Variants in ZNF562 observed in about 807,000 individuals in gnomAD.
ZNF562 encodes zinc finger protein 562.
In ZNF562, 13 loss-of-function variants were observed where a neutral mutation model predicts 17.5. That is an observed-to-expected ratio of 0.74 (90% confidence interval 0.48 to 1.18). ZNF562 has a LOEUF of 1.18. Ranked by LOEUF, ZNF562 falls within the 50% of genes most tolerant of loss-of-function variation. ZNF562 has a pLI of 0.00. For missense variants in ZNF562, 481 were observed against 498.5 expected, an observed-to-expected ratio of 0.96 and a Z score of 0.33; for synonymous variants, 163 against 165.4, an observed-to-expected ratio of 0.99 and a Z score of 0.11.
chr19:9,656,664 A>C lies in ZNF562; in HGVS notation c.242-11T>G. On this transcript the variant is annotated splice_polypyrimidine_tract_variant and intron_variant, in intron 4 of 5. Coordinates refer to ENST00000453372, the MANE Select transcript of ZNF562 (RefSeq NM_001130031.2). ...AGCAGAAAAAGAAATCTAAGGGTTTAGAGAAGAAATGTGTTAGTTTAAAAT... is the reference window on the plus strand; with the variant it reads ...AGCAGAAAAAGAAATCTAAGGGTTTCGAGAAGAAATGTGTTAGTTTAAAAT... 6.2e-7 allele frequency: 1 copy of C among 1,610,898 alleles called. No homozygotes were observed. Among genetic ancestry groups the C allele is most frequent in the Non-Finnish European group, 8.5e-7 (1 of 1,177,480 alleles).
intron 1 of ZNF562, among the ~76,000 whole-genome samples, chr19:9,664,849 A>C (rs1293860945): frequency 6.6e-6 from 1 of 152,012 alleles, no homozygotes; most frequent in Non-Finnish European, 1.5e-5. Flanking sequence ...TGTCTCAAAA[A>C]GAAAAGAAAA....
intron 1 of ZNF562, among the ~76,000 whole-genome samples, chr19:9,671,420 G>A (rs2044193874): frequency 6.6e-6 from 1 of 152,052 alleles, no homozygotes; most frequent in South Asian, 2.1e-4. Flanking sequence ...AAGGAGCAAT[G>A]AGCCATGATT....
chr19:9,668,156 G>C (rs1466459069), intron 1 of ZNF562, among the ~76,000 whole-genome samples: 1 of 152,104 alleles, frequency 6.6e-6, no homozygotes. Context: ...TGGAAGGATT[G>C]CTTAAGCCCA....
At chr19:9,673,583 C>A (rs545617905) in intron 1 of ZNF562, among the ~76,000 whole-genome samples, 1 of 152,160 alleles carries the variant, frequency 6.6e-6, no homozygotes, top group African/African-American at 2.4e-5. Flanking sequence ...CAGGTGTGAG[C>A]CAGTGCATCT....
intron 5 of ZNF562, among the ~76,000 whole-genome samples, chr19:9,654,332 G>C (rs2043378952): frequency 6.6e-6 from 1 of 152,044 alleles, no homozygotes. Context: ...TCCATTGCCT[G>C]GTCTATAGTG....
chr19:9,668,369 A>AC (rs1159214872), intron 1 of ZNF562, among the ~76,000 whole-genome samples: 1 of 152,036 alleles, frequency 6.6e-6, no homozygotes, highest in Non-Finnish European at 1.5e-5. Context: ...ACAAAGTGAG[A>AC]CCCCACCTCT....
chr19:9,669,399 A>T (rs1455173789), intron 1 of ZNF562, among the ~76,000 whole-genome samples: 1 of 152,218 alleles, frequency 6.6e-6, no homozygotes, highest in Non-Finnish European at 1.5e-5. Flanking sequence ...ACATAACCAC[A>T]ATGAGATATC....
In ZNF562 at chr19:9,644,694, A is replaced by G. The variant is rs1317156168; in HGVS notation, c.*8255T>C. On this transcript the variant is annotated 3_prime_UTR_variant, in exon 6 of 6. Transcript: ENST00000453372. ...CCTCATGAGATTTACTCACTGTGAC[A>G]AAAACAGCACACGCCTATTATCCCA... 6.6e-6 allele frequency: 1 copy of G among 152,238 alleles called. No individual in the cohort carries two copies. Among genetic ancestry groups the G allele is most frequent in the Non-Finnish European group, 1.5e-5 (1 of 68,060 alleles). 9.4% of individuals were successfully genotyped at this position (152,238 alleles called of 1,614,324 possible).
At position 9,648,762 on chromosome 19, in the gene ZNF562, C is replaced by T. The variant is rs1400912359; in HGVS notation, c.*4187G>A. On this transcript the variant is annotated 3_prime_UTR_variant, in exon 6 of 6. Coordinates refer to ENST00000453372, the MANE Select transcript of ZNF562 (RefSeq NM_001130031.2). ...AGGCCACCCTCCCAAGTAGCTAAAA[C>T]TATAGGCATGCATCACCACATCATT... 1.3e-5 allele frequency: 2 copies of T among 151,432 alleles called. No individual in the cohort carries two copies. The highest frequency in any genetic ancestry group is 2.9e-5 in the Non-Finnish European group (2 of 67,942). The allele number at this position is 151,432 out of a possible 1,614,324, so 9.4% of individuals were successfully genotyped here.
In ZNF562 at chr19:9,645,877, T is replaced by C. The variant is rs2074802773; in HGVS notation, c.*7072A>G. On this transcript the variant is annotated 3_prime_UTR_variant, in exon 6 of 6. Coordinates refer to ENST00000453372, the MANE Select transcript of ZNF562 (RefSeq NM_001130031.2). ...TTTATGGTAACAACGAAAAGTAACA[T>C]ACAAATTTCAAACATCAAGAATAAA... is the stretch of plus-strand genomic sequence containing the variant. 1 of 152,078 alleles carries C rather than the reference T, an allele frequency of 6.6e-6. No homozygotes were observed. Among genetic ancestry groups the C allele is most frequent in the South Asian group, 2.1e-4 (1 of 4,832 alleles). 9.4% of individuals were successfully genotyped at this position (152,078 alleles called of 1,614,324 possible).
Position 9,653,394 on chromosome 19 carries a change from G to A in ZNF562, c.836C>T (p.Ala279Val), listed in dbSNP as rs774980419. ...FTNFSQLSAH[A>V]KTHKGEKSFE... is the part of the protein sequence containing the mutation. ...GGACTTCTCTCCTTTATGAGTTTTTGCATGTGCAGAAAGTTGAGAAAAATT... is the reference window on the plus strand; with the variant it reads ...GGACTTCTCTCCTTTATGAGTTTTTACATGTGCAGAAAGTTGAGAAAAATT... Residue 279 changes from alanine to valine, a missense_variant, in exon 6 of 6, where the codon GCA (alanine) becomes GTA (valine). Physicochemically the swap from Ala to Val is moderately conservative, Grantham distance 64. Coordinates refer to ENST00000453372, the MANE Select transcript of ZNF562 (RefSeq NM_001130031.2). 3.1e-5 allele frequency: 50 copies of A among 1,613,964 alleles called. 1 individual carries two copies. In the South Asian group the frequency reaches 5.5e-4, roughly 18 times the overall value.
intron 1 of ZNF562, among the ~76,000 whole-genome samples, chr19:9,674,263 G>A (rs2044315771): frequency 6.6e-6 from 1 of 152,190 alleles, no homozygotes; most frequent in Admixed American, 6.5e-5. Context: ...GGTGGAGTAA[G>A]TAATCGAAAT....
Position 9,659,530 on chromosome 19 carries a change from A to C in ZNF562, c.26-63T>G. On this transcript the variant is annotated intron_variant, in intron 2 of 5. Coordinates refer to ENST00000453372, the MANE Select transcript of ZNF562 (RefSeq NM_001130031.2). ...GCCCACATTCTTATGCCCAGAAGTCATTCCATCCTAGCTTGAAATTCCCAT... is the reference window on the plus strand; with the variant it reads ...GCCCACATTCTTATGCCCAGAAGTCCTTCCATCCTAGCTTGAAATTCCCAT... 1.3e-5 allele frequency: 20 copies of C among 1,519,562 alleles called. No individual in the cohort carries two copies. In the Middle Eastern group the frequency reaches 5.6e-4, roughly 43 times the overall value. The allele number at this position is 1,519,562 out of a possible 1,614,324, so 94.1% of individuals were successfully genotyped here.
chr19:9,672,072 ATC>A, intron 1 of ZNF562, among the ~76,000 whole-genome samples: 1 of 152,338 alleles, frequency 6.6e-6, no homozygotes, highest in South Asian at 2.1e-4. Context: ...AATCAGAAAT[ATC>A]TGATTGTATG....
chr19:9,650,521 C>T lies in ZNF562; in HGVS notation c.*2428G>A, dbSNP rs972944815. On this transcript the variant is annotated 3_prime_UTR_variant, in exon 6 of 6. Coordinates refer to ENST00000453372, the MANE Select transcript of ZNF562 (RefSeq NM_001130031.2). ...GCGGGGAGGGGGGAGACCGACCGAC[C>T]TATTTGTTGGTCTCCATCGTGTGAA... 4.6e-5 allele frequency: 7 copies of T among 151,888 alleles called. No homozygotes were observed. The highest frequency in any genetic ancestry group is 1.7e-4 in the African/African-American group (7 of 41,296). The allele number at this position is 151,888 out of a possible 1,614,324, so 9.4% of individuals were successfully genotyped here. A position where few individuals can be genotyped will look rare whatever the true frequency, so the allele number is the denominator to read the frequency against.
At position 9,671,713 on chromosome 19, in the gene ZNF562, G is replaced by A. The variant is rs115564262; in HGVS notation, c.-131+3302C>T. Among the ~76,000 whole-genome samples the A allele has an allele frequency of 4.7e-3, 711 of 152,302 alleles. 4 individuals carry two copies. The highest frequency in any genetic ancestry group is 0.016 in the African/African-American group (679 of 41,566). ...ATACTCAACGTGTCCATGTTAAATG[G>A]CATGTTATTTATTGGAAGCCTCCGG... On this transcript the variant is annotated intron_variant, in intron 1 of 5. Transcript: ENST00000453372.
chr19:9,655,136 G>A (rs2043415894), intron 5 of ZNF562, among the ~76,000 whole-genome samples: 1 of 152,004 alleles, frequency 6.6e-6, no homozygotes, highest in African/African-American at 2.4e-5. Context: ...GATTACAGGT[G>A]CATGCCAACG....
At chr19:9,664,628 GGTT>G (rs1568275745) in intron 1 of ZNF562, among the ~76,000 whole-genome samples, 23 of 152,240 alleles carry the variant, frequency 1.5e-4, no homozygotes, top group Non-Finnish European at 2.8e-4. Flanking sequence ...AGGACTTTTG[GGTT>G]TCTGCCGTTT....
intron 4 of ZNF562, 112 bp from the exon 5 acceptor site, chr19:9,656,765 C>A: frequency 3.8e-6 from 4 of 1,063,318 alleles, no homozygotes; most frequent in Non-Finnish European, 5.5e-6. Context: ...TGACTCAGGC[C>A]CGTAATCCCA....
Sources: gnomAD v4.1 joint callset for allele counts (sites outside exome capture counted in the v4.1 genomes callset) on GRCh38, gnomAD v4.1.1 for gene constraint, MANE v1.5 for transcripts, NCBI Gene and HGNC (gene_info 2026-07-23, HGNC 2026-07-21) for gene names.